Variants in CWC22 observed in about 807,000 individuals in gnomAD.
CWC22 encodes the protein pre-mRNA-splicing factor CWC22 homolog.
In CWC22, 53 loss-of-function variants were observed where a neutral mutation model predicts 117.2. The ratio of observed to expected loss-of-function variants is 0.45; its 90% CI spans 0.36 to 0.57. CWC22 has a LOEUF of 0.57. CWC22 is among the 20% of genes least tolerant of loss of function. The pLI is 0.00. For missense variants in CWC22, 980 were observed against 1,068.8 expected, an observed-to-expected ratio of 0.92 and a Z score of 1.16; for synonymous variants, 360 against 355.6, an observed-to-expected ratio of 1.01 and a Z score of -0.14.
At chr2:179,983,882 T>C (rs1045396813) in intron 4 of CWC22, among the ~76,000 whole-genome samples, 1 of 152,142 alleles carries the variant, frequency 6.6e-6, no homozygotes, top group Non-Finnish European at 1.5e-5. Flanking sequence ...TTTCCTGACA[T>C]TGGTTATGAT....
At chr2:179,995,581 C>T (rs573883308) in intron 1 of CWC22, among the ~76,000 whole-genome samples, 107 of 152,240 alleles carry the variant, frequency 7.0e-4, no homozygotes, top group African/African-American at 2.0e-3. Flanking sequence ...TTTTTTAAAA[C>T]GGTAACTGAA....
chr2:179,968,771 T>G (rs1179445534), intron 11 of CWC22, among the ~76,000 whole-genome samples: 1 of 151,984 alleles, frequency 6.6e-6, no homozygotes, highest in Admixed American at 6.5e-5. Context: ...TTTCACCATG[T>G]TGGTCAGACT....
rs1042574317 is a variant in CWC22 at position 179,960,528 on chromosome 2, G to A, written c.1398-1446C>T. On this transcript the variant is annotated intron_variant, in intron 13 of 19. Coordinates refer to ENST00000410053, the MANE Select transcript of CWC22 (RefSeq NM_020943.3). ...TACATTCTTATTCACAAATGTACAC[G>A]TAAATTAGAAACAACTGGAGGTAAA... Among the ~76,000 whole-genome samples, 18 of 151,772 alleles carry A rather than the reference G, an allele frequency of 1.2e-4. No individual in the cohort carries two copies. In the East Asian group the frequency reaches 1.3e-3, roughly 11 times the overall value.
chr2:179,976,529 T>C (rs1322851819), intron 6 of CWC22, among the ~76,000 whole-genome samples: 1 of 152,108 alleles, frequency 6.6e-6, no homozygotes, highest in African/African-American at 2.4e-5. Context: ...AAGGGGTTAA[T>C]ATCCAAAACA....
At chr2:179,996,961 C>T (rs1273856365) in intron 1 of CWC22, among the ~76,000 whole-genome samples, 2 of 151,986 alleles carry the variant, frequency 1.3e-5, no homozygotes, top group African/African-American at 4.8e-5. Context: ...ACCAGCAGAC[C>T]TGCACTACAA....
rs1687017878 is a variant in CWC22, at chr2:179,970,936, C to T, written c.940+5G>A. On this transcript the variant is annotated splice_donor_5th_base_variant and intron_variant, in intron 9 of 19. Transcript: ENST00000410053. ...CTTAACATCAAACTATGAATGTACA[C>T]TTACCATTGATTCCTCTTGGTGACA... 3 of 1,611,852 alleles carry T rather than the reference C, an allele frequency of 1.9e-6. No homozygotes were observed. In the African/African-American group the frequency reaches 4.0e-5, roughly 22 times the overall value.
chr2:179,955,540 T>C (rs960127596), intron 14 of CWC22, among the ~76,000 whole-genome samples: 1 of 151,956 alleles, frequency 6.6e-6, no homozygotes, highest in Admixed American at 6.6e-5. Context: ...AACATAAAGT[T>C]AACGTTGATA....
At chr2:179,991,266 C>CT (rs74700360) in intron 2 of CWC22, among the ~76,000 whole-genome samples, 10,854 of 152,128 alleles carry the variant, frequency 0.071, 503 homozygotes, top group East Asian at 0.26. Flanking sequence ...GAGGTAGGAG[C>CT]TTGCTAAGGA....
rs1055246423 is a variant in CWC22 at position 179,990,556 on chromosome 2, G to C, written c.28-1912C>G. Among the ~76,000 whole-genome samples, 99 of 151,624 alleles carry C rather than the reference G, an allele frequency of 6.5e-4. No individual in the cohort carries two copies. In the East Asian group the frequency reaches 0.016, roughly 25 times the overall value. The stretch of plus-strand genomic sequence containing the variant: ...AGTGAGTGAGACAGACAGAGAGAGA[G>C]AGAGAGAGAGAGAGAGAGAGAGAAA... On this transcript the variant is annotated intron_variant, in intron 2 of 19. Transcript: ENST00000410053.
chr2:179,974,285 T>C (rs1014531835), intron 6 of CWC22, among the ~76,000 whole-genome samples: 1 of 152,172 alleles, frequency 6.6e-6, no homozygotes, highest in Non-Finnish European at 1.5e-5. Context: ...TTTAGTAGAA[T>C]AAAATGAAGA....
At position 180,007,192 on chromosome 2, in the gene CWC22, G is replaced by T; in HGVS notation, c.-439C>A. The T allele has an allele frequency of 6.6e-6, 1 of 152,356 alleles. No homozygotes were observed. Among genetic ancestry groups the T allele is most frequent in the East Asian group, 1.9e-4 (1 of 5,184 alleles). 9.4% of individuals were successfully genotyped at this position (152,356 alleles called of 1,614,324 possible). A position where few individuals can be genotyped will look rare whatever the true frequency, so the allele number is the denominator to read the frequency against. On this transcript the variant is annotated 5_prime_UTR_variant, in exon 1 of 20. Transcript: ENST00000410053. Reference sequence around the variant, plus strand: ...ACTTGACGCTCAATTGGCTTGACACGTTATCCCTTTAATTTATTTCAAATA... The same window carrying T: ...ACTTGACGCTCAATTGGCTTGACACTTTATCCCTTTAATTTATTTCAAATA...
Position 179,971,031 on chromosome 2 carries a change from T to C in CWC22, c.850A>G (p.Arg284Gly), listed in dbSNP as rs1003957192. ...ACTTCAACGCTATCATCTGTTGGTC[T>C]TTCCAGGAGCAAAGTGAGCATCTCT... ...CLEMLTLLLERPTDDSVEVAI... is the reference protein window; with the variant it reads ...CLEMLTLLLEGPTDDSVEVAI... The change falls in exon 9 of 20, where the codon AGA (arginine) becomes GGA (glycine). Residue 284 changes from arginine to glycine, a missense_variant. Physicochemically the swap from Arg to Gly is moderately radical, Grantham distance 125. Around this residue, in one of 3 missense-constraint regions of CWC22, gnomAD observed 559 missense variants for 602.3 expected, o/e 0.93. Coordinates refer to ENST00000410053, the MANE Select transcript of CWC22 (RefSeq NM_020943.3). 1.2e-6 allele frequency: 2 copies of C among 1,609,242 alleles called. No homozygotes were observed. Among genetic ancestry groups the C allele is most frequent in the Non-Finnish European group, 8.5e-7 (1 of 1,177,012 alleles).
At position 180,007,143 on chromosome 2, in the gene CWC22, A is replaced by C. The variant is rs1435970474; in HGVS notation, c.-390T>G. The C allele has an allele frequency of 6.6e-6, 1 of 152,248 alleles. No homozygotes were observed. Among genetic ancestry groups the C allele is most frequent in the African/African-American group, 2.4e-5 (1 of 41,468 alleles). The allele number at this position is 152,248 out of a possible 1,614,324, so 9.4% of individuals were successfully genotyped here. On this transcript the variant is annotated 5_prime_UTR_variant, in exon 1 of 20. Transcript: ENST00000410053. ...TTCCCGAGCACCGACGGTAGGAAGA[A>C]GGCGAATAGTGAAATATTTAAAAAC...
At chr2:179,950,770 G>T in intron 18 of CWC22, 38 bp from the exon 19 acceptor site, 1 of 1,598,312 alleles carries the variant, frequency 6.3e-7, no homozygotes, top group Non-Finnish European at 8.6e-7. Context: ...CTATTTCAAA[G>T]ACAATTATGA....
At chr2:179,954,382 T>C in intron 15 of CWC22, 25 bp from the exon 16 acceptor site, 1 of 1,447,944 alleles carries the variant, frequency 6.9e-7, no homozygotes. Flanking sequence ...ATCAGTACCA[T>C]TAAAAATTGA....
At chr2:179,999,466 A>C (rs975306991) in intron 1 of CWC22, among the ~76,000 whole-genome samples, 1 of 152,194 alleles carries the variant, frequency 6.6e-6, no homozygotes, top group African/African-American at 2.4e-5. Flanking sequence ...CAGTTTCATC[A>C]AGCATTAGAA....
At chr2:180,004,639 C>T (rs1186732275) in intron 1 of CWC22, among the ~76,000 whole-genome samples, 1 of 152,130 alleles carries the variant, frequency 6.6e-6, no homozygotes, top group Non-Finnish European at 1.5e-5. Context: ...CCCGCCTTGG[C>T]CTCCCAAAGT....
intron 4 of CWC22, among the ~76,000 whole-genome samples, chr2:179,985,815 A>C (rs529343417): frequency 6.8e-5 from 10 of 147,154 alleles, no homozygotes; most frequent in Admixed American, 1.4e-4. Context: ...ATTGGAAAAA[A>C]CATAGTATAT....
chr2:179,991,153 T>C (rs941179724), intron 2 of CWC22, among the ~76,000 whole-genome samples: 1 of 152,080 alleles, frequency 6.6e-6, no homozygotes, highest in African/African-American at 2.4e-5. Context: ...TCTCCAACAA[T>C]GTAGGGAGAG....
Sources: allele counts gnomAD v4.1 joint callset (sites outside exome capture counted in the v4.1 genomes callset), GRCh38; gene constraint gnomAD v4.1.1; regional missense constraint gnomAD v4.1.1; transcripts MANE v1.5; gene names NCBI Gene and HGNC (gene_info 2026-07-23, HGNC 2026-07-21).